CRYBG1: variants seen among roughly 807,000 people sequenced by gnomAD.
CRYBG1 encodes crystallin beta-gamma domain containing 1, also known as beta/gamma crystallin domain-containing protein 1.
A neutral mutation model predicts 189.2 loss-of-function variants in CRYBG1; 139 were observed. The observed-to-expected ratio is 0.73, with a 90% confidence interval of 0.64 to 0.85. The LOEUF is 0.85. Among genes scored for constraint, CRYBG1 ranks in the 40% least tolerant of loss-of-function variants. The pLI, the probability that CRYBG1 is intolerant of heterozygous loss-of-function variation, is 0.00. For synonymous variants in CRYBG1, 1,023 were observed against 1,017.1 expected (o/e 1.01, Z -0.11); for missense variants, 2,611 against 2,675.8 (o/e 0.98, Z 0.53).
chr6:106,427,076 C>T (rs1392842080), intron 1 of CRYBG1, among the ~76,000 whole-genome samples: 1 of 152,126 alleles, frequency 6.6e-6, no homozygotes, highest in Non-Finnish European at 1.5e-5. Context: ...TCCTCCTCTT[C>T]CCAACTTTGA....
intron 1 of CRYBG1, chr6:106,449,599 T>TA (rs1771738512): frequency 6.6e-6 from 1 of 152,198 alleles, no homozygotes; most frequent in Non-Finnish European, 1.5e-5. Context: ...GAACAATTAA[T>TA]AAAAATAGGT....
intron 1 of CRYBG1, among the ~76,000 whole-genome samples, chr6:106,383,275 C>T (rs1770321014): frequency 6.6e-6 from 1 of 152,168 alleles, no homozygotes; most frequent in Admixed American, 6.5e-5. Flanking sequence ...AGGTCTGCAT[C>T]TTAACCTCCA....
chr6:106,404,268 A>G (rs1467736412), intron 1 of CRYBG1, among the ~76,000 whole-genome samples: 2 of 152,220 alleles, frequency 1.3e-5, no homozygotes, highest in Non-Finnish European at 1.5e-5. Context: ...TGGTCTGGCA[A>G]TCTTCCCATT....
chr6:106,512,481 A>T lies in CRYBG1; in HGVS notation c.1364A>T (p.Asn455Ile). The T allele has an allele frequency of 1.2e-6, 2 of 1,611,378 alleles. No individual in the cohort carries two copies. The highest frequency in any genetic ancestry group is 1.7e-6 in the Non-Finnish European group (2 of 1,179,274). ...GTGTTCGACGACGAGGTGGCGCCAA[A>T]CGCGGCCAGCGATAACGCCTCGGCG... Reference protein sequence around the residue: ...DAVFDDEVAPNAASDNASAEK... With the variant: ...DAVFDDEVAPIAASDNASAEK... The change falls in exon 3 of 22, where the codon AAC (asparagine) becomes ATC (isoleucine). Residue 455 changes from asparagine (N) to isoleucine (I), a missense_variant. Asn to Ile is a moderately radical substitution (Grantham distance 149, BLOSUM62 -3). Transcript: ENST00000633556.
intron 2 of CRYBG1, among the ~76,000 whole-genome samples, chr6:106,485,157 C>A (rs1472633172): frequency 6.6e-6 from 1 of 152,018 alleles, no homozygotes; most frequent in Admixed American, 6.6e-5. Flanking sequence ...CATTTGTGTT[C>A]TTCTTCAATT....
intron 1 of CRYBG1, among the ~76,000 whole-genome samples, chr6:106,424,456 G>A (rs1771189680): frequency 6.6e-6 from 1 of 152,046 alleles, no homozygotes. Context: ...TGTGAGAACT[G>A]ATTACCCACC....
At chr6:106,398,260 A>T (rs1262568807) in intron 1 of CRYBG1, among the ~76,000 whole-genome samples, 1 of 152,054 alleles carries the variant, frequency 6.6e-6, no homozygotes, top group Non-Finnish European at 1.5e-5. Flanking sequence ...CACGCCTGTA[A>T]TCCCAGCACA....
At chr6:106,403,388 G>T (rs1280197103) in intron 1 of CRYBG1, among the ~76,000 whole-genome samples, 1 of 152,184 alleles carries the variant, frequency 6.6e-6, no homozygotes, top group Non-Finnish European at 1.5e-5. Context: ...AGAGCAAGGG[G>T]CTGCGTGGAA....
chr6:106,393,487 G>C (rs1376390287), intron 1 of CRYBG1, among the ~76,000 whole-genome samples: 1 of 152,194 alleles, frequency 6.6e-6, no homozygotes, highest in Non-Finnish European at 1.5e-5. Flanking sequence ...CACTGCAGGG[G>C]GCACTTCCAG....
At chr6:106,567,799 T>TACAA (rs1265300174) in intron 21 of CRYBG1, among the ~76,000 whole-genome samples, 71 of 152,334 alleles carry the variant, frequency 4.7e-4, no homozygotes, top group African/African-American at 1.6e-3. Flanking sequence ...TGGAAAATCT[T>TACAA]ACAAACATTC....
At chr6:106,477,887 T>G (rs1772363639) in intron 2 of CRYBG1, among the ~76,000 whole-genome samples, 3 of 152,270 alleles carry the variant, frequency 2.0e-5, no homozygotes, top group Non-Finnish European at 1.5e-5. Flanking sequence ...TGGAAAGATC[T>G]GGAGCACGGA....
At chr6:106,564,988 CAGGGATTT>C (rs1420326731) in intron 21 of CRYBG1, among the ~76,000 whole-genome samples, 1 of 151,536 alleles carries the variant, frequency 6.6e-6, no homozygotes, top group Non-Finnish European at 1.5e-5. Context: ...TTACTTTAAT[CAGGGATTT>C]AGGCCAATGC....
intron 10 of CRYBG1, 70 bp downstream of exon 10, chr6:106,541,691 C>T: frequency 1.9e-6 from 2 of 1,044,686 alleles, no homozygotes; most frequent in Non-Finnish European, 2.8e-6. Flanking sequence ...TATATATGTA[C>T]TTAATGTTAT....
intron 2 of CRYBG1, among the ~76,000 whole-genome samples, chr6:106,479,797 A>C (rs1772405959): frequency 6.6e-6 from 1 of 152,188 alleles, no homozygotes; most frequent in Non-Finnish European, 1.5e-5. Flanking sequence ...CTGAACTGTA[A>C]AAGTTCTGTA....
intron 2 of CRYBG1, among the ~76,000 whole-genome samples, chr6:106,469,301 C>T (rs1303612829): frequency 6.6e-6 from 1 of 152,244 alleles, no homozygotes; most frequent in East Asian, 1.9e-4. Context: ...CTGCCTCAAC[C>T]TACATGAGTT....
At chr6:106,406,805 AG>A (rs1430164184) in intron 1 of CRYBG1, among the ~76,000 whole-genome samples, 2 of 152,268 alleles carry the variant, frequency 1.3e-5, no homozygotes, top group African/African-American at 4.8e-5. Context: ...TAAGTGAATG[AG>A]AAATAAAATC....
intron 11 of CRYBG1, 115 bp from the exon 12 acceptor site, chr6:106,544,455 CA>C: frequency 8.3e-7 from 1 of 1,207,262 alleles, no homozygotes; most frequent in Non-Finnish European, 1.1e-6. Context: ...GATAATAAAG[CA>C]GAAGGTCATG....
intron 1 of CRYBG1, among the ~76,000 whole-genome samples, chr6:106,393,200 A>G (rs956854138): frequency 6.6e-6 from 1 of 152,222 alleles, no homozygotes; most frequent in Non-Finnish European, 1.5e-5. Flanking sequence ...AGCTCATCAG[A>G]GTTCTGAGAT....
Position 106,360,836 on chromosome 6 carries a change from T to G in CRYBG1, c.-73T>G. ...AAAGGCGGGCGAGCTGGCGCTCAGG[T>G]GTGTTCTTCCATAGGGCCCGGGCGG... On this transcript the variant is annotated 5_prime_UTR_variant, in exon 1 of 22. Transcript: ENST00000633556. 1 of 1,434,004 alleles carries G rather than the reference T, an allele frequency of 7.0e-7. No homozygotes were observed. The highest frequency in any genetic ancestry group is 9.1e-7 in the Non-Finnish European group (1 of 1,095,624). The allele number at this position is 1,434,004 out of a possible 1,614,324, so 88.8% of individuals were successfully genotyped here. A position where few individuals can be genotyped will look rare whatever the true frequency, so the allele number is the denominator to read the frequency against.
Sources: gnomAD v4.1 joint callset for allele counts (sites outside exome capture counted in the v4.1 genomes callset) on GRCh38, gnomAD v4.1.1 for gene constraint, MANE v1.5 for transcripts, NCBI Gene and HGNC (gene_info 2026-07-23, HGNC 2026-07-21) for gene names.